The following LRRTM3 variants were observed in gnomAD, a reference collection of about 807,000 sequenced individuals.
The protein encoded by LRRTM3 is leucine-rich repeat transmembrane neuronal protein 3.
In LRRTM3, 24 loss-of-function variants were observed where a neutral mutation model predicts 44.7. The ratio of observed to expected loss-of-function variants is 0.54; its 90% CI spans 0.39 to 0.76. LRRTM3 has a LOEUF of 0.76. Among genes scored for constraint, LRRTM3 ranks in the 30% least tolerant of loss-of-function variants. LRRTM3 has a pLI of 0.00. For missense variants in LRRTM3, 587 were observed against 702.2 expected (o/e 0.84, Z 1.85); for synonymous variants, 277 against 278.7 (o/e 0.99, Z 0.06).
At chr10:66,986,596 A>G (rs964870190) in intron 2 of LRRTM3, among the ~76,000 whole-genome samples, 1 of 152,202 alleles carries the variant, frequency 6.6e-6, no homozygotes, top group African/African-American at 2.4e-5. Context: ...TCTGTAGTTT[A>G]TAGGAGAATG....
intron 2 of LRRTM3, among the ~76,000 whole-genome samples, chr10:67,010,726 C>T (rs968168446): frequency 3.3e-5 from 5 of 152,164 alleles, no homozygotes; most frequent in African/African-American, 1.2e-4. Context: ...CAAGAGCTTT[C>T]GACTCAGCCA....
chr10:67,031,962 C>T (rs144055513), intron 2 of LRRTM3, among the ~76,000 whole-genome samples: 1 of 152,264 alleles, frequency 6.6e-6, no homozygotes, highest in East Asian at 1.9e-4. Context: ...TTTTTAATCT[C>T]AGAATTCTAG....
chr10:67,038,141 G>T (rs1854179159), intron 2 of LRRTM3, among the ~76,000 whole-genome samples: 1 of 152,000 alleles, frequency 6.6e-6, no homozygotes, highest in South Asian at 2.1e-4. Context: ...GCATTTCAGA[G>T]CAAGTTATTA....
In LRRTM3 at chr10:66,960,046, C is replaced by G. The variant is rs80255606; in HGVS notation, c.1536+31594C>G. The stretch of plus-strand genomic sequence containing the variant: ...TCTTCAAGCCAGGTATGTAAGTTTC[C>G]CATGTTGACCCTCATAGCTATTTGA... On this transcript the variant is annotated intron_variant, in intron 2 of 2. Coordinates refer to ENST00000361320, the MANE Select transcript of LRRTM3 (RefSeq NM_178011.5). Among the ~76,000 whole-genome samples the G allele has an allele frequency of 8.1e-3, 1,237 of 152,032 alleles. 21 individuals are homozygous for G. Among genetic ancestry groups the G allele is most frequent in the African/African-American group, 0.028 (1,169 of 41,500 alleles).
intron 2 of LRRTM3, among the ~76,000 whole-genome samples, chr10:66,996,649 C>CTAAAAAA (rs71468809): frequency 1.5e-5 from 1 of 67,644 alleles, no homozygotes; most frequent in Admixed American, 2.7e-4. Context: ...TCCGTCTCTA[C>CTAAAAAA]AAAAAAAAAA....
At chr10:67,057,496 TA>T (rs1855510835) in intron 2 of LRRTM3, among the ~76,000 whole-genome samples, 1 of 152,206 alleles carries the variant, frequency 6.6e-6, no homozygotes, top group Non-Finnish European at 1.5e-5. Flanking sequence ...AGATTGCACA[TA>T]TAAGTGGGAC....
chr10:67,079,858 A>AACACACACACAC (rs199928311), intron 2 of LRRTM3, among the ~76,000 whole-genome samples: 1 of 141,266 alleles, frequency 7.1e-6, no homozygotes, highest in South Asian at 2.4e-4. Flanking sequence ...AAAAAAACAA[A>AACACACACACAC]ACACACACAC....
At chr10:67,049,695 G>A (rs557864206) in intron 2 of LRRTM3, among the ~76,000 whole-genome samples, 1 of 152,150 alleles carries the variant, frequency 6.6e-6, no homozygotes, top group African/African-American at 2.4e-5. Context: ...TCCCTGACAA[G>A]TACAAATTCT....
At chr10:67,011,800 A>T (rs1852357593) in intron 2 of LRRTM3, among the ~76,000 whole-genome samples, 1 of 152,118 alleles carries the variant, frequency 6.6e-6, no homozygotes, top group Non-Finnish European at 1.5e-5. Flanking sequence ...CAGAAGAGAA[A>T]ATGGAAGCAG....
intron 2 of LRRTM3, among the ~76,000 whole-genome samples, chr10:66,971,932 T>C (rs1162174538): frequency 6.6e-6 from 1 of 152,126 alleles, no homozygotes; most frequent in Non-Finnish European, 1.5e-5. Flanking sequence ...TGTACTTCAG[T>C]ATATTCCATT....
At chr10:67,090,189 G>A (rs370320114) in intron 2 of LRRTM3, among the ~76,000 whole-genome samples, 1 of 151,970 alleles carries the variant, frequency 6.6e-6, no homozygotes, top group Admixed American at 6.6e-5. Flanking sequence ...CCCATCTTGA[G>A]TGTTTTCGAG....
chr10:66,926,713 T>G, intron 1 of LRRTM3, 126 bp downstream of exon 1: 1 of 1,174,298 alleles, frequency 8.5e-7, no homozygotes, highest in Non-Finnish European at 1.2e-6. Flanking sequence ...TATGAATTTA[T>G]TTGCTTAGTG....
chr10:67,001,063 G>A (rs1324738550), intron 2 of LRRTM3, among the ~76,000 whole-genome samples: 2 of 152,096 alleles, frequency 1.3e-5, no homozygotes, highest in Admixed American at 6.6e-5. Context: ...AGCACTTTGG[G>A]AGGCCGAGGT....
chr10:66,954,623 T>C (rs912484868), intron 2 of LRRTM3, among the ~76,000 whole-genome samples: 14 of 152,124 alleles, frequency 9.2e-5, no homozygotes, highest in African/African-American at 3.1e-4. Flanking sequence ...AGAAGGAAAA[T>C]GAGGTTTAAA....
At chr10:67,089,646 G>A (rs1857508570) in intron 2 of LRRTM3, among the ~76,000 whole-genome samples, 1 of 151,454 alleles carries the variant, frequency 6.6e-6, no homozygotes, top group Admixed American at 6.6e-5. Flanking sequence ...TACCTCATTT[G>A]GCACACATAA....
At chr10:67,021,841 T>C (rs943545189) in intron 2 of LRRTM3, among the ~76,000 whole-genome samples, 2 of 152,056 alleles carry the variant, frequency 1.3e-5, no homozygotes, top group Admixed American at 6.6e-5. Context: ...AAGGGAAACA[T>C]GGTAGAAATA....
intron 2 of LRRTM3, among the ~76,000 whole-genome samples, chr10:66,929,448 G>A (rs1431463291): frequency 6.6e-6 from 1 of 152,078 alleles, no homozygotes; most frequent in Non-Finnish European, 1.5e-5. Flanking sequence ...AATTTGTCAG[G>A]CTGCCCTGTT....
intron 2 of LRRTM3, among the ~76,000 whole-genome samples, chr10:67,090,637 A>G (rs1857574561): frequency 6.6e-6 from 1 of 152,106 alleles, no homozygotes; most frequent in African/African-American, 2.4e-5. Flanking sequence ...AAGGCTTAAA[A>G]TAGGCAACCT....
intron 2 of LRRTM3, among the ~76,000 whole-genome samples, chr10:67,018,472 T>TA (rs1852797548): frequency 6.6e-6 from 1 of 152,200 alleles, no homozygotes; most frequent in Non-Finnish European, 1.5e-5. Context: ...TTAAATTACA[T>TA]AAAAAATCTA....
Sources: allele counts gnomAD v4.1 joint callset (sites outside exome capture counted in the v4.1 genomes callset), GRCh38; gene constraint gnomAD v4.1.1; transcripts MANE v1.5; gene names NCBI Gene and HGNC (gene_info 2026-07-23, HGNC 2026-07-21).